AUTS2: variants seen among roughly 807,000 people sequenced by gnomAD.
The protein encoded by AUTS2 is activator of transcription and developmental regulator AUTS2, also known as autism susceptibility gene 2 protein.
A neutral mutation model predicts 112.4 loss-of-function variants in AUTS2; 17 were observed. The observed-to-expected ratio is 0.15, with a 90% CI of 0.10 to 0.23. The LOEUF (loss-of-function observed/expected upper bound fraction) is 0.23. Ranked by LOEUF, AUTS2 falls within the 10% of genes least tolerant of loss-of-function variation. AUTS2 has a pLI of 1.00. For synonymous variants in AUTS2, 751 were observed against 702.7 expected, an observed-to-expected ratio of 1.07 and a Z score of -1.09; for missense variants, 1,510 against 1,701.6, an observed-to-expected ratio of 0.89 and a Z score of 1.98.
At position 69,600,019 on chromosome 7, in the gene AUTS2, G is replaced by A. The variant is rs1414243587; in HGVS notation, c.309+57G>A. On this transcript the variant is annotated intron_variant, in intron 1 of 18. Coordinates refer to ENST00000342771, the MANE Select transcript of AUTS2 (RefSeq NM_015570.4). ...TTTATGCACGACCCCACTCGGCTGC[G>A]CCCGGCTCTCCTGCCTCCCTCGCCG... is the stretch of plus-strand genomic sequence containing the variant. 6 of 1,577,626 alleles carry A rather than the reference G, an allele frequency of 3.8e-6. No homozygotes were observed. In the Admixed American group the frequency reaches 8.6e-5, roughly 22 times the overall value.
intron 5 of AUTS2, among the ~76,000 whole-genome samples, chr7:70,484,309 C>T (rs565605073): frequency 6.6e-6 from 1 of 152,340 alleles, no homozygotes; most frequent in South Asian, 2.1e-4. Context: ...TACTTACCCT[C>T]GGGCCCATTC....
At chr7:70,622,195 G>T (rs989763250) in intron 5 of AUTS2, among the ~76,000 whole-genome samples, 1 of 152,070 alleles carries the variant, frequency 6.6e-6, no homozygotes, top group Admixed American at 6.5e-5. Context: ...TTCTTGGAGC[G>T]GAGATGTCCT....
chr7:70,457,013 C>A (rs1199022553), intron 5 of AUTS2, among the ~76,000 whole-genome samples: 1 of 152,206 alleles, frequency 6.6e-6, no homozygotes, highest in African/African-American at 2.4e-5. Flanking sequence ...GGTGCTTGAT[C>A]AGGACTGTTT....
chr7:70,470,796 C>T (rs536934795), intron 5 of AUTS2, among the ~76,000 whole-genome samples: 30 of 152,246 alleles, frequency 2.0e-4, no homozygotes, highest in Admixed American at 1.4e-3. Context: ...CTGGTTCTCC[C>T]CTTGCTCCCC....
At chr7:70,374,512 G>T (rs536786633) in intron 4 of AUTS2, among the ~76,000 whole-genome samples, 1 of 152,184 alleles carries the variant, frequency 6.6e-6, no homozygotes, top group Non-Finnish European at 1.5e-5. Context: ...AAACAAACTT[G>T]CAGTCAATTG....
At chr7:69,890,715 C>T (rs891527088) in intron 1 of AUTS2, among the ~76,000 whole-genome samples, 1 of 149,580 alleles carries the variant, frequency 6.7e-6, no homozygotes, top group East Asian at 2.0e-4. Context: ...AAAATACGAA[C>T]TCTACCTTGT....
intron 5 of AUTS2, among the ~76,000 whole-genome samples, chr7:70,482,929 A>T (rs1797846334): frequency 6.6e-6 from 1 of 152,218 alleles, no homozygotes; most frequent in Non-Finnish European, 1.5e-5. Context: ...TCAAAGGAGG[A>T]TAATTGTGTG....
intron 2 of AUTS2, among the ~76,000 whole-genome samples, chr7:69,912,510 T>C (rs1416734675): frequency 7.2e-5 from 11 of 152,200 alleles, no homozygotes. Context: ...ACTGGGACCA[T>C]GTAGGGAGTA....
chr7:69,773,577 C>G (rs1346572939), intron 1 of AUTS2, among the ~76,000 whole-genome samples: 1 of 152,062 alleles, frequency 6.6e-6, no homozygotes, highest in Non-Finnish European at 1.5e-5. Context: ...CTGCCAAACA[C>G]CCAGGGAAAA....
chr7:70,547,684 C>T (rs1011619004), intron 5 of AUTS2, among the ~76,000 whole-genome samples: 4 of 152,070 alleles, frequency 2.6e-5, no homozygotes, highest in East Asian at 1.9e-4. Context: ...GGATATACCA[C>T]GTTTTGTTTA....
intron 4 of AUTS2, among the ~76,000 whole-genome samples, chr7:70,170,856 T>G (rs1808645289): frequency 6.6e-6 from 1 of 152,176 alleles, no homozygotes; most frequent in Non-Finnish European, 1.5e-5. Flanking sequence ...TCCACCTTCC[T>G]CGGCCTCCTA....
chr7:70,327,909 C>A (rs1253630479), intron 4 of AUTS2, among the ~76,000 whole-genome samples: 1 of 152,142 alleles, frequency 6.6e-6, no homozygotes, highest in Admixed American at 6.6e-5. Flanking sequence ...TTAGGTATCT[C>A]CTGTAGCCTT....
At chr7:70,078,688 A>G (rs1437347456) in intron 2 of AUTS2, among the ~76,000 whole-genome samples, 2 of 152,132 alleles carry the variant, frequency 1.3e-5, no homozygotes. Flanking sequence ...AATCCCCCCA[A>G]CCCCTGAAGG....
At chr7:69,641,181 T>C (rs886945179) in intron 1 of AUTS2, among the ~76,000 whole-genome samples, 2 of 152,178 alleles carry the variant, frequency 1.3e-5, no homozygotes, top group Admixed American at 1.3e-4. Flanking sequence ...AGCAATAAAG[T>C]ACTCAAATGT....
intron 2 of AUTS2, among the ~76,000 whole-genome samples, chr7:69,957,516 T>C (rs1797263689): frequency 6.6e-6 from 1 of 152,202 alleles, no homozygotes; most frequent in Non-Finnish European, 1.5e-5. Flanking sequence ...TGTCATTCCT[T>C]ATGTTTATTT....
At chr7:70,034,572 AT>A (rs911506738) in intron 2 of AUTS2, among the ~76,000 whole-genome samples, 2 of 152,194 alleles carry the variant, frequency 1.3e-5, no homozygotes, top group African/African-American at 4.8e-5. Flanking sequence ...ATTTATACTT[AT>A]GGGTATTATT....
rs527791973 is a variant in AUTS2 at position 70,425,731 on chromosome 7, G to A, written c.661-10021G>A. ...AATTAGCAAAGAATTTATGCAAGAC[G>A]TATGTGAAATCAGTGAAGAATTCTA... On this transcript the variant is annotated intron_variant, in intron 4 of 18. Transcript: ENST00000342771. Among the ~76,000 whole-genome samples, 12 of 152,302 alleles carry A rather than the reference G, an allele frequency of 7.9e-5. No individual in the cohort carries two copies. The East Asian group carries it at 1.4e-3, about 17-fold the overall frequency.
intron 5 of AUTS2, among the ~76,000 whole-genome samples, chr7:70,657,401 G>A (rs1473210912): frequency 6.6e-6 from 1 of 152,228 alleles, no homozygotes; most frequent in Non-Finnish European, 1.5e-5. Context: ...TGTATTAGAA[G>A]TGAAATATTT....
intron 6 of AUTS2, among the ~76,000 whole-genome samples, chr7:70,733,925 G>T (rs1787614751): frequency 6.6e-6 from 1 of 151,846 alleles, no homozygotes; most frequent in Non-Finnish European, 1.5e-5. Context: ...GGCTATTTTT[G>T]ATATACTTTG....
Sources: allele counts gnomAD v4.1 joint callset (sites outside exome capture counted in the v4.1 genomes callset), GRCh38; gene constraint gnomAD v4.1.1; transcripts MANE v1.5; gene names NCBI Gene and HGNC (gene_info 2026-07-23, HGNC 2026-07-21).